Variants in KIAA0825 observed in about 807,000 individuals in gnomAD.
KIAA0825 encodes the protein uncharacterized protein KIAA0825.
A neutral mutation model predicts 147.6 loss-of-function variants in KIAA0825; 119 were observed. That is an observed-to-expected ratio of 0.81 (90% CI 0.69 to 0.94). KIAA0825 has a LOEUF of 0.94. KIAA0825 is among the 40% of genes least tolerant of loss of function. KIAA0825 has a pLI of 0.00. For missense variants in KIAA0825, 1,381 were observed against 1,472.7 expected (o/e 0.94, Z 1.02); for synonymous variants, 470 against 518.1 (o/e 0.91, Z 1.26).
chr5:94,502,132 G>A (rs1765168694), intron 5 of KIAA0825, among the ~76,000 whole-genome samples: 1 of 152,036 alleles, frequency 6.6e-6, no homozygotes, highest in Non-Finnish European at 1.5e-5. Flanking sequence ...AGGGTTAAGG[G>A]TAGGTAAGGT....
Position 94,520,842 on chromosome 5 carries a change from T to A in KIAA0825, c.376A>T (p.Ser126Cys). 1.2e-6 allele frequency: 2 copies of A among 1,612,960 alleles called. No homozygotes were observed. Among genetic ancestry groups the A allele is most frequent in the Non-Finnish European group, 1.7e-6 (2 of 1,179,314 alleles). Residue 126 changes from serine (S) to cysteine (C), a missense_variant, in exon 5 of 21, where the codon AGC (serine) becomes TGC (cysteine). Physicochemically the swap from Ser to Cys is moderately radical, Grantham distance 112. Coordinates refer to ENST00000682413, the MANE Select transcript of KIAA0825 (RefSeq NM_001145678.3). ...CTTAGGGTTGATGGGAATGAAACGC[T>A]GCTGTGGCAGGAGAGGTCCCAAAGT... Reference protein sequence around the residue: ...DLLWDLSCHSSVSFPSTLSGT... With the variant: ...DLLWDLSCHSCVSFPSTLSGT...
At chr5:94,545,544 G>C (rs932671885) in intron 2 of KIAA0825, among the ~76,000 whole-genome samples, 1 of 152,184 alleles carries the variant, frequency 6.6e-6, no homozygotes, top group Admixed American at 6.5e-5. Context: ...CAGGGTACCA[G>C]GCAGACTTGT....
chr5:94,154,679 G>A (rs1013582558), intron 20 of KIAA0825, among the ~76,000 whole-genome samples: 1 of 152,100 alleles, frequency 6.6e-6, no homozygotes, highest in African/African-American at 2.4e-5. Context: ...AGGTTCCAAA[G>A]AACATTTACT....
chr5:94,202,698 A>G (rs1233917609), intron 20 of KIAA0825, among the ~76,000 whole-genome samples: 1 of 152,228 alleles, frequency 6.6e-6, no homozygotes, highest in Admixed American at 6.5e-5. Flanking sequence ...CCAATCTGGG[A>G]AAGAGCCTCA....
Position 94,407,747 on chromosome 5 carries a change from T to C in KIAA0825, c.2663-3954A>G, listed in dbSNP as rs141118968. Among the ~76,000 whole-genome samples, 1,066 of 152,322 alleles carry C rather than the reference T, an allele frequency of 7.0e-3. 58 individuals carry two copies. The highest frequency in any genetic ancestry group is 0.065 in the Admixed American group (996 of 15,296). Reference sequence around the variant, plus strand: ...GTGATTAAAATGGTCTAAAATTAAATGGTGCTGATGGTTGCACAGTTCTGT... The same window carrying C: ...GTGATTAAAATGGTCTAAAATTAAACGGTGCTGATGGTTGCACAGTTCTGT... On this transcript the variant is annotated intron_variant, in intron 15 of 20. Coordinates refer to ENST00000682413, the MANE Select transcript of KIAA0825 (RefSeq NM_001145678.3).
chr5:94,427,322 C>T (rs1755022758), intron 14 of KIAA0825, among the ~76,000 whole-genome samples: 1 of 151,960 alleles, frequency 6.6e-6, no homozygotes, highest in Admixed American at 6.6e-5. Context: ...TTGTTCTAGG[C>T]CAGGAGTTCA....
intron 5 of KIAA0825, among the ~76,000 whole-genome samples, chr5:94,517,585 AT>A (rs1215949117): frequency 3.3e-5 from 5 of 152,028 alleles, no homozygotes; most frequent in African/African-American, 9.7e-5. Context: ...ACATTAGCTC[AT>A]TAAGACTACA....
intron 20 of KIAA0825, among the ~76,000 whole-genome samples, chr5:94,261,129 A>G (rs1776472264): frequency 6.6e-6 from 1 of 151,582 alleles, no homozygotes. Flanking sequence ...TAGTGAGACC[A>G]CCATCTCTAC....
chr5:94,594,881 TAAA>T (rs1348510293), intron 1 of KIAA0825: 147 of 187,828 alleles, frequency 7.8e-4, no homozygotes, highest in Middle Eastern at 2.2e-3. Flanking sequence ...AAATAGTAGA[TAAA>T]AAAAAAAAAA....
At chr5:94,201,256 G>T (rs983297973) in intron 20 of KIAA0825, among the ~76,000 whole-genome samples, 16 of 151,048 alleles carry the variant, frequency 1.1e-4, no homozygotes, top group Non-Finnish European at 1.8e-4. Flanking sequence ...TAATGTAATA[G>T]ATTTAATAAA....
chr5:94,199,731 A>G (rs1771484731), intron 20 of KIAA0825, among the ~76,000 whole-genome samples: 1 of 152,078 alleles, frequency 6.6e-6, no homozygotes, highest in Admixed American at 6.5e-5. Context: ...CCTGTGGGTG[A>G]GTACATGTCA....
At chr5:94,214,481 TC>T (rs1161008020) in intron 20 of KIAA0825, among the ~76,000 whole-genome samples, 1 of 152,114 alleles carries the variant, frequency 6.6e-6, no homozygotes, top group Non-Finnish European at 1.5e-5. Context: ...GCATCACCCT[TC>T]CCTTCCCCCA....
chr5:94,236,209 C>T (rs1462677577), intron 20 of KIAA0825, among the ~76,000 whole-genome samples: 1 of 152,174 alleles, frequency 6.6e-6, no homozygotes, highest in Non-Finnish European at 1.5e-5. Flanking sequence ...ATGTAGATGC[C>T]AATAAGAACA....
At chr5:94,594,927 C>T (rs1195434828) in intron 1 of KIAA0825, 1 of 281,868 alleles carries the variant, frequency 3.5e-6, no homozygotes, top group African/African-American at 2.3e-5. Context: ...GACTCCATGT[C>T]TCACATCCAA....
At chr5:94,559,677 T>TGA (rs1397670476) in intron 2 of KIAA0825, among the ~76,000 whole-genome samples, 6 of 152,228 alleles carry the variant, frequency 3.9e-5, no homozygotes, top group African/African-American at 7.2e-5. Flanking sequence ...CTTTTGGTCA[T>TGA]TTCAGCTTGA....
At chr5:94,403,453 G>T in intron 16 of KIAA0825, 116 bp downstream of exon 16, 1 of 719,316 alleles carries the variant, frequency 1.4e-6, no homozygotes, top group Non-Finnish European at 2.3e-6. Flanking sequence ...CTACTTAATG[G>T]AAGGAAGATT....
rs551987236 is a variant in KIAA0825 at position 94,401,227 on chromosome 5, T to G, written c.2887+2342A>C. On this transcript the variant is annotated intron_variant, in intron 16 of 20. Coordinates refer to ENST00000682413, the MANE Select transcript of KIAA0825 (RefSeq NM_001145678.3). ...AATATATGGGAAGCCACATTTCAGATAGTTTCCCCACAATTCTTTTTTTTT... is the reference window on the plus strand; with the variant it reads ...AATATATGGGAAGCCACATTTCAGAGAGTTTCCCCACAATTCTTTTTTTTT... 4.7e-5 allele frequency among the ~76,000 whole-genome samples: 7 copies of G among 150,200 alleles called. No homozygotes were observed. The South Asian group carries it at 1.5e-3, about 32-fold the overall frequency.
chr5:94,583,420 G>A (rs1293020618), intron 1 of KIAA0825, among the ~76,000 whole-genome samples: 2 of 152,234 alleles, frequency 1.3e-5, no homozygotes, highest in East Asian at 1.9e-4. Context: ...AGCAGTCTGA[G>A]ATCGACCTGG....
chr5:94,582,126 A>G (rs139426464), intron 2 of KIAA0825, among the ~76,000 whole-genome samples: 2 of 152,366 alleles, frequency 1.3e-5, no homozygotes, highest in Non-Finnish European at 2.9e-5. Flanking sequence ...TCTCACAAGA[A>G]TTTAAAAATA....
Sources: allele counts gnomAD v4.1 joint callset (sites outside exome capture counted in the v4.1 genomes callset), GRCh38; gene constraint gnomAD v4.1.1; transcripts MANE v1.5; gene names NCBI Gene and HGNC (gene_info 2026-07-23, HGNC 2026-07-21).